BCAS3: variants seen among roughly 807,000 people sequenced by gnomAD.
BCAS3 encodes the protein BCAS4/BCAS3 fusion.
A neutral mutation model predicts 116.1 loss-of-function variants in BCAS3; 53 were observed. That is an observed-to-expected ratio of 0.46 (90% CI 0.37 to 0.57). BCAS3 has a LOEUF of 0.57. Ranked by LOEUF, BCAS3 falls within the 20% of genes least tolerant of loss-of-function variation. The pLI is 0.00. For synonymous variants in BCAS3, 391 were observed against 408.2 expected (o/e 0.96, Z 0.51); for missense variants, 917 against 1,165.4 (o/e 0.79, Z 3.10).
chr17:60,957,564 A>C (rs1206330354), intron 14 of BCAS3, among the ~76,000 whole-genome samples: 2 of 152,190 alleles, frequency 1.3e-5, no homozygotes, highest in African/African-American at 2.4e-5. Flanking sequence ...CATTTTTAGA[A>C]GTGCAATTCA....
rs892503163 is a variant in BCAS3, at chr17:61,026,557, C to A, written c.1638-8109C>A. Among the ~76,000 whole-genome samples the A allele has an allele frequency of 6.6e-5, 10 of 151,906 alleles. No individual in the cohort carries two copies. Among genetic ancestry groups the A allele is most frequent in the African/African-American group, 2.2e-4 (9 of 41,412 alleles). On this transcript the variant is annotated intron_variant, in intron 16 of 23. Transcript: ENST00000407086. This position sits in a 1 kb window ranked among gnomAD's most constrained non-coding sequence, Gnocchi z 5.0. ...ATCTGGTTATTCCATTTAACTTATA[C>A]CTTGTTTTAAAGGGCTTCAGCAGTG...
In BCAS3 at chr17:61,265,010, A is replaced by T. The variant is rs1029124320; in HGVS notation, c.2426-103317A>T. On this transcript the variant is annotated intron_variant, in intron 22 of 23. Transcript: ENST00000407086. This position sits in a 1 kb window ranked among gnomAD's most constrained non-coding sequence, Gnocchi z 4.3. Reference sequence around the variant, plus strand: ...GGTCTTTGGAGGCAGACAGCCCTGTATTCAATTCCACTGTTTATTTTTATT... The same window carrying T: ...GGTCTTTGGAGGCAGACAGCCCTGTTTTCAATTCCACTGTTTATTTTTATT... 2.6e-5 allele frequency among the ~76,000 whole-genome samples: 4 copies of T among 152,226 alleles called. No individual in the cohort carries two copies.
At chr17:61,250,710 G>T (rs2048307237) in intron 22 of BCAS3, among the ~76,000 whole-genome samples, 1 of 152,152 alleles carries the variant, frequency 6.6e-6, no homozygotes, top group African/African-American at 2.4e-5. Context: ...GTGAGTATGT[G>T]ACCTAGAAAC....
chr17:60,820,256 A>G (rs1444601218), intron 7 of BCAS3, among the ~76,000 whole-genome samples: 1 of 151,944 alleles, frequency 6.6e-6, no homozygotes, highest in Non-Finnish European at 1.5e-5. Flanking sequence ...TTTAGTAGCC[A>G]GGATGGTCTT....
rs1555654103 is a variant in BCAS3, at chr17:60,992,189, T to TCCACACAC, written c.1486+1954_1486+1955insCCACACAC. Among the ~76,000 whole-genome samples the TCCACACAC allele has an allele frequency of 3.5e-4, 46 of 130,728 alleles. 1 individual carries two copies. The highest frequency in any genetic ancestry group is 1.2e-3 in the African/African-American group (40 of 34,268). 85.8% of individuals were successfully genotyped at this position (130,728 alleles called of 152,430 possible). On this transcript the variant is annotated intron_variant, in intron 15 of 23. Coordinates refer to ENST00000407086, the MANE Select transcript of BCAS3 (RefSeq NM_017679.5). ...CATTCTTTCGTAGTATCCGATGACTTACACACACACACACACACACACACA... is the reference window on the plus strand; with the variant it reads ...CATTCTTTCGTAGTATCCGATGACTTCCACACACACACACACACACACACACACACACA...
At position 61,267,381 on chromosome 17, in the gene BCAS3, C is replaced by T. The variant is rs192653315; in HGVS notation, c.2426-100946C>T. 1.1e-3 allele frequency among the ~76,000 whole-genome samples: 170 copies of T among 151,814 alleles called. 1 individual carries two copies. Among genetic ancestry groups the T allele is most frequent in the Non-Finnish European group, 1.2e-4 (8 of 67,926 alleles). ...TGGAAAGTTAATTTTTAAATTGCCACAGTGGTTGGTAAATTAAAAGATATT... is the reference window on the plus strand; with the variant it reads ...TGGAAAGTTAATTTTTAAATTGCCATAGTGGTTGGTAAATTAAAAGATATT... On this transcript the variant is annotated intron_variant, in intron 22 of 23. Coordinates refer to ENST00000407086, the MANE Select transcript of BCAS3 (RefSeq NM_017679.5).
intron 4 of BCAS3, among the ~76,000 whole-genome samples, chr17:60,707,015 G>C (rs2037239700): frequency 2.0e-5 from 3 of 151,578 alleles, no homozygotes; most frequent in Admixed American, 6.6e-5. Flanking sequence ...TTTTGAGACA[G>C]AGTTTTGCTC....
At chr17:61,374,252 C>T (rs181651193) in intron 23 of BCAS3, among the ~76,000 whole-genome samples, 1 of 151,478 alleles carries the variant, frequency 6.6e-6, no homozygotes, top group East Asian at 1.9e-4. Flanking sequence ...CTCACTGCAA[C>T]CTCTGCCTCC....
At chr17:60,724,734 AT>A (rs1278811277) in intron 5 of BCAS3, among the ~76,000 whole-genome samples, 45 of 147,716 alleles carry the variant, frequency 3.0e-4, no homozygotes, top group African/African-American at 1.2e-3. Context: ...AAAAAAAAAA[AT>A]TCATTTTCTT....
chr17:60,889,811 A>G, intron 10 of BCAS3, 40 bp downstream of exon 10: 1 of 1,536,022 alleles, frequency 6.5e-7, no homozygotes, highest in Non-Finnish European at 9.0e-7. Flanking sequence ...GTAATGGAGC[A>G]AGTGTTGAAG....
chr17:60,813,530 A>G (rs2049041195), intron 7 of BCAS3, among the ~76,000 whole-genome samples: 1 of 152,234 alleles, frequency 6.6e-6, no homozygotes, highest in Non-Finnish European at 1.5e-5. Flanking sequence ...TTGGGTGCAT[A>G]GTTAGTGAAT....
At chr17:61,318,915 C>T (rs141534258) in intron 22 of BCAS3, among the ~76,000 whole-genome samples, 8 of 152,338 alleles carry the variant, frequency 5.3e-5, no homozygotes, top group Admixed American at 2.0e-4. Context: ...CTTTCACTCC[C>T]GGAGTGACAT....
chr17:61,009,530 C>G (rs1249631867), intron 15 of BCAS3, among the ~76,000 whole-genome samples: 1 of 151,908 alleles, frequency 6.6e-6, no homozygotes. Flanking sequence ...CATTTGATTC[C>G]TTAATGTTAT....
intron 22 of BCAS3, among the ~76,000 whole-genome samples, chr17:61,191,807 A>AAAGAC (rs1601822627): frequency 6.6e-6 from 1 of 151,546 alleles, no homozygotes; most frequent in East Asian, 1.9e-4. Context: ...AAAGAAAAGA[A>AAAGAC]AAATTACTTC....
chr17:60,714,127 G>A (rs1290364640), intron 5 of BCAS3, among the ~76,000 whole-genome samples: 4 of 152,048 alleles, frequency 2.6e-5, no homozygotes, highest in South Asian at 2.1e-4. Flanking sequence ...GTGAGCTACC[G>A]TGCCTGGCCT....
rs117381670 is a variant in BCAS3, at chr17:61,140,464, G to A, written c.2425+55900G>A. 6.6e-6 allele frequency among the ~76,000 whole-genome samples: 1 copy of A among 152,286 alleles called. No homozygotes were observed. The highest frequency in any genetic ancestry group is 1.9e-4 in the East Asian group (1 of 5,190). On this transcript the variant is annotated intron_variant, in intron 22 of 23. Transcript: ENST00000407086. This position sits in a 1 kb window ranked among gnomAD's most constrained non-coding sequence, Gnocchi z 4.2. ...GTTGGGGAAAAGTATTCTGGCAGCA[G>A]GATTGAAACATTAAAGAAAAGTAAC...
chr17:61,161,740 C>T lies in BCAS3; in HGVS notation c.2425+77176C>T, dbSNP rs570222757. On this transcript the variant is annotated intron_variant, in intron 22 of 23. Transcript: ENST00000407086. The surrounding 1 kb of genome is among the most constrained non-coding windows in gnomAD (Gnocchi z 4.8). ...TCCCCTCAGCACACATACCAGCCCC[C>T]GCAATTCCAGTTTCATGGTGCCTGA... 1.2e-4 allele frequency among the ~76,000 whole-genome samples: 19 copies of T among 152,180 alleles called. No homozygotes were observed. Among genetic ancestry groups the T allele is most frequent in the East Asian group, 5.8e-4 (3 of 5,176 alleles).
At position 60,961,252 on chromosome 17, in the gene BCAS3, A is replaced by G. The variant is rs899702255; in HGVS notation, c.1221+13900A>G. ...GCTATGATGGAATGATAGGAACTGG[A>G]TTAAACCTCTGTATCCGTTAAGGTT... On this transcript the variant is annotated intron_variant, in intron 14 of 23. Transcript: ENST00000407086. This position sits in a 1 kb window ranked among gnomAD's most constrained non-coding sequence, Gnocchi z 4.8. Among the ~76,000 whole-genome samples, 1 of 152,192 alleles carries G rather than the reference A, an allele frequency of 6.6e-6. No homozygotes were observed. The highest frequency in any genetic ancestry group is 1.5e-5 in the Non-Finnish European group (1 of 68,034).
intron 15 of BCAS3, among the ~76,000 whole-genome samples, chr17:61,014,227 A>C (rs1313152805): frequency 6.6e-6 from 1 of 152,100 alleles, no homozygotes; most frequent in Admixed American, 6.6e-5. Context: ...TTTTTGCATG[A>C]AAGAGTTGTT....
Sources: gnomAD v4.1 joint callset for allele counts (sites outside exome capture counted in the v4.1 genomes callset) on GRCh38, gnomAD v4.1.1 for gene constraint, Gnocchi (gnomAD v3.1) non-coding constraint, MANE v1.5 for transcripts, NCBI Gene and HGNC (gene_info 2026-07-23, HGNC 2026-07-21) for gene names.